Variants in RSC1A1 observed in about 807,000 individuals in gnomAD.
The protein encoded by RSC1A1 is regulatory solute carrier protein family 1 member 1.
RSC1A1 carries 6 observed loss-of-function variants against 7.7 expected under a neutral mutation model. That is an observed-to-expected ratio of 0.78 (90% CI 0.43 to 1.53). RSC1A1 has a LOEUF of 1.53. RSC1A1 is among the 40% of genes most tolerant of loss of function. RSC1A1 has a pLI of 0.01. For synonymous variants in RSC1A1, 250 were observed against 263.0 expected, an observed-to-expected ratio of 0.95 and a Z score of 0.48; for missense variants, 729 against 726.3, an observed-to-expected ratio of 1.00 and a Z score of -0.04.
At position 15,661,133 on chromosome 1, in the gene RSC1A1, T is replaced by C; in HGVS notation, c.1265T>C (p.Val422Ala). 6.2e-7 allele frequency: 1 copy of C among 1,614,028 alleles called. No individual in the cohort carries two copies. The highest frequency in any genetic ancestry group is 8.5e-7 in the Non-Finnish European group (1 of 1,179,992). Residue 422 changes from valine (V) to alanine (A), a missense_variant, in exon 1 of 1, where the codon GTA becomes GCA. Coordinates refer to ENST00000345034, the MANE Select transcript of RSC1A1 (RefSeq NM_006511.3). ...GTCTCCTTTCATCAGGCCATATCTG[T>C]ATCAGTGGAGACAGAAAAATTAACA... ...PQVSFHQAISVSVETEKLTGT... is the reference protein window; with the variant it reads ...PQVSFHQAISASVETEKLTGT...
At position 15,660,360 on chromosome 1, in the gene RSC1A1, C is replaced by T; in HGVS notation, c.492C>T (p.Asp164=). The T allele has an allele frequency of 1.2e-6, 2 of 1,613,998 alleles. No individual in the cohort carries two copies. The highest frequency in any genetic ancestry group is 8.5e-7 in the Non-Finnish European group (1 of 1,179,958). ...PENQNLSQVS[D]PQQHEEPGNE... ...ATCAGAACCTGAGTCAAGTGAGTGA[C>T]CCTCAGCAGCACGAAGAACCAGGGA... The change falls in exon 1 of 1, where the codon GAC becomes GAT. Residue 164 remains aspartate (D), a synonymous_variant. Coordinates refer to ENST00000345034, the MANE Select transcript of RSC1A1 (RefSeq NM_006511.3).
In RSC1A1 at chr1:15,662,031, G is replaced by A; in HGVS notation, c.*309G>A. 1 of 234,774 alleles carries A rather than the reference G, an allele frequency of 4.3e-6. No individual in the cohort carries two copies. The highest frequency in any genetic ancestry group is 8.3e-6 in the Non-Finnish European group (1 of 120,302). The allele number at this position is 234,774 out of a possible 1,614,324, so 14.5% of individuals were successfully genotyped here. The stretch of plus-strand genomic sequence containing the variant: ...AATAAAATGGATGGTTTTGTGTGTA[G>A]CATACTGTTTTAGAATGAGAGTAAA... On this transcript the variant is annotated 3_prime_UTR_variant, in exon 1 of 1. Coordinates refer to ENST00000345034, the MANE Select transcript of RSC1A1 (RefSeq NM_006511.3).
In RSC1A1 at chr1:15,660,630, T is replaced by C. The variant is rs1243505395; in HGVS notation, c.762T>C (p.Ala254=). Reference sequence around the variant, plus strand: ...AAACATTTATGGAAATCGATACAGCTCAACAGTCCCTAGTTACTTTGCTTA... The same window carrying C: ...AAACATTTATGGAAATCGATACAGCCCAACAGTCCCTAGTTACTTTGCTTA... ...NSETFMEIDT[A]QQSLVTLLNS... is the part of the protein sequence containing the mutation. The change falls in exon 1 of 1, where the codon GCT becomes GCC. Residue 254 remains alanine, a synonymous_variant. Transcript: ENST00000345034. 1.9e-6 allele frequency: 3 copies of C among 1,614,060 alleles called. No individual in the cohort carries two copies. The highest frequency in any genetic ancestry group is 1.1e-5 in the South Asian group (1 of 91,076).
Position 15,659,839 on chromosome 1 carries a change from AAAAGTGGT to A in RSC1A1, c.-25_-18del. On this transcript the variant is annotated 5_prime_UTR_variant, in exon 1 of 1. Transcript: ENST00000345034. ...CCTTTCCCCTGTGTTCCATATAGAG[AAAAGTGGT>A]AAAGAATCTACCTCACTGGGAATGT... 1 of 1,528,748 alleles carries A rather than the reference AAAAGTGGT, an allele frequency of 6.5e-7. No homozygotes were observed. The highest frequency in any genetic ancestry group is 8.7e-7 in the Non-Finnish European group (1 of 1,144,624). 94.7% of individuals were successfully genotyped at this position (1,528,748 alleles called of 1,614,324 possible).
Position 15,660,976 on chromosome 1 carries a change from G to C in RSC1A1, c.1108G>C (p.Ala370Pro). 6.2e-7 allele frequency: 1 copy of C among 1,613,926 alleles called. No individual in the cohort carries two copies. The highest frequency in any genetic ancestry group is 8.5e-7 in the Non-Finnish European group (1 of 1,179,946). The change falls in exon 1 of 1, where the codon GCT becomes CCT. Residue 370 changes from alanine (A) to proline (P), a missense_variant. Ala to Pro is a conservative substitution (Grantham distance 27). Coordinates refer to ENST00000345034, the MANE Select transcript of RSC1A1 (RefSeq NM_006511.3). ...HELLVVSSKP[A>P]SENTSEEVIC... ...ACTTTTGGTTGTTAGCAGTAAACCAGCTTCAGAAAATACATCTGAAGAAGT... is the reference window on the plus strand; with the variant it reads ...ACTTTTGGTTGTTAGCAGTAAACCACCTTCAGAAAATACATCTGAAGAAGT...
In RSC1A1 at chr1:15,661,056, T is replaced by C. The variant is rs1392019540; in HGVS notation, c.1188T>C (p.Ser396=). 1 of 1,614,182 alleles carries C rather than the reference T, an allele frequency of 6.2e-7. No individual in the cohort carries two copies. The highest frequency in any genetic ancestry group is 1.7e-5 in the Admixed American group (1 of 60,020). Residue 396 remains serine, a synonymous_variant, in exon 1 of 1, where the codon TCT becomes TCC. Transcript: ENST00000345034. The part of the protein sequence containing the change: ...AEGQTSIKDL[S]ERWTQNEHLT... ...GCCAAACCAGTATTAAAGACCTTTC[T>C]GAAAGATGGACCCAAAATGAGCATC...
rs1640333386 is a variant in RSC1A1, at chr1:15,659,838, G to C, written c.-31G>C. ...TCCTTTCCCCTGTGTTCCATATAGAGAAAAGTGGTAAAGAATCTACCTCAC... is the reference window on the plus strand; with the variant it reads ...TCCTTTCCCCTGTGTTCCATATAGACAAAAGTGGTAAAGAATCTACCTCAC... On this transcript the variant is annotated 5_prime_UTR_variant, in exon 1 of 1. Transcript: ENST00000345034. The C allele has an allele frequency of 6.5e-7, 1 of 1,528,174 alleles. No homozygotes were observed. The allele number at this position is 1,528,174 out of a possible 1,614,324, so 94.7% of individuals were successfully genotyped here.
In RSC1A1 at chr1:15,661,360, G is replaced by T. The variant is rs1191253426; in HGVS notation, c.1492G>T (p.Ala498Ser). The change falls in exon 1 of 1, where the codon GCA becomes TCA. Residue 498 changes from alanine to serine, a missense_variant. Ala to Ser is a moderately conservative substitution (Grantham distance 99). Transcript: ENST00000345034. ...TGTAGAAATTTCACCCAAACTTTTAGCAGGTGAGGAGGATGCACTCAATCA... is the reference window on the plus strand; with the variant it reads ...TGTAGAAATTTCACCCAAACTTTTATCAGGTGAGGAGGATGCACTCAATCA... ...LGVEISPKLL[A>S]GEEDALNQTS... 1 of 1,614,102 alleles carries T rather than the reference G, an allele frequency of 6.2e-7. No individual in the cohort carries two copies. Among genetic ancestry groups the T allele is most frequent in the South Asian group, 1.1e-5 (1 of 91,058 alleles).
At position 15,660,573 on chromosome 1, in the gene RSC1A1, A is replaced by G; in HGVS notation, c.705A>G (p.Pro235=). ...VDPPSAKKSI[P]SSECSGCSNS... ...CTCCAAGTGCGAAGAAAAGTATTCC[A>G]TCTTCAGAATGCAGTGGCTGCTCAA... The change falls in exon 1 of 1, where the codon CCA becomes CCG. Residue 235 remains proline (P), a synonymous_variant. Transcript: ENST00000345034. 2 of 1,613,776 alleles carry G rather than the reference A, an allele frequency of 1.2e-6. No individual in the cohort carries two copies. The highest frequency in any genetic ancestry group is 1.1e-5 in the South Asian group (1 of 90,910).
rs1640376328 is a variant in RSC1A1, at chr1:15,661,426, T to C, written c.1558T>C (p.Leu520=). 4 of 1,614,046 alleles carry C rather than the reference T, an allele frequency of 2.5e-6. No homozygotes were observed. The highest frequency in any genetic ancestry group is 3.3e-5 in the Admixed American group (2 of 59,966). The change falls in exon 1 of 1, where the codon TTG becomes CTG. Residue 520 remains leucine, a synonymous_variant. Transcript: ENST00000345034. ...TAAGTCTTTGTCATCCAATTTCATATTGGTTAAAGACTTAGGTCAGGGCAT... is the reference window on the plus strand; with the variant it reads ...TAAGTCTTTGTCATCCAATTTCATACTGGTTAAAGACTTAGGTCAGGGCAT... ...QTKSLSSNFI[L]VKDLGQGIQN...
Position 15,660,838 on chromosome 1 carries a change from A to G in RSC1A1, c.970A>G (p.Lys324Glu), listed in dbSNP as rs1640360704. The part of the protein sequence containing the change: ...ETNVEIPGTN[K>E]EYGHYSSPSL... ...TAATGTTGAAATACCTGGAACAAAT[A>G]AAGAATATGGCCATTACTCCTCTCC... Residue 324 changes from lysine (K) to glutamate (E), a missense_variant, in exon 1 of 1, where the codon AAA becomes GAA. By Grantham distance (56) the Lys-to-Glu change is moderately conservative. Coordinates refer to ENST00000345034, the MANE Select transcript of RSC1A1 (RefSeq NM_006511.3). The G allele has an allele frequency of 1.9e-6, 3 of 1,614,086 alleles. No homozygotes were observed. Among genetic ancestry groups the G allele is most frequent in the Non-Finnish European group, 2.5e-6 (3 of 1,180,036 alleles).
the RSC1A1 span, chr1:15,660,608 CATTT>C: frequency 1.2e-6 from 2 of 1,614,010 alleles, no homozygotes; most frequent in Non-Finnish European, 1.7e-6. Context: ...AATTCAGAAA[CATTT>C]ATGGAAATCG....
chr1:15,661,344 T>C lies in RSC1A1; in HGVS notation c.1476T>C (p.Ile492=), dbSNP rs1640372883. The C allele has an allele frequency of 6.2e-7, 1 of 1,613,964 alleles. No individual in the cohort carries two copies. The highest frequency in any genetic ancestry group is 1.7e-5 in the Admixed American group (1 of 59,990). ...TACACTGCACCTTAGGTGTAGAAAT[T>C]TCACCCAAACTTTTAGCAGGTGAGG... ...NQLHCTLGVE[I]SPKLLAGEED... The change falls in exon 1 of 1, where the codon ATT becomes ATC. Residue 492 remains isoleucine, a synonymous_variant. Transcript: ENST00000345034.
Position 15,659,798 on chromosome 1 carries a change from G to C in RSC1A1, c.-71G>C. On this transcript the variant is annotated 5_prime_UTR_variant, in exon 1 of 1. Coordinates refer to ENST00000345034, the MANE Select transcript of RSC1A1 (RefSeq NM_006511.3). ...GGTAATTTAGTGGCATTAGTCACCT[G>C]CTAATTAATCTTTTTCCTTTCCCCT... 1 of 1,480,584 alleles carries C rather than the reference G, an allele frequency of 6.8e-7. No individual in the cohort carries two copies. Among genetic ancestry groups the C allele is most frequent in the Non-Finnish European group, 8.9e-7 (1 of 1,123,758 alleles). 91.7% of individuals were successfully genotyped at this position (1,480,584 alleles called of 1,614,324 possible). A position where few individuals can be genotyped will look rare whatever the true frequency, so the allele number is the denominator to read the frequency against.
In RSC1A1 at chr1:15,661,901, G is replaced by T. The variant is rs1297213092; in HGVS notation, c.*179G>T. ...CGGCCAAAGTAATTTATGATCTTTT[G>T]TCTGATGAATTTGTCTATCCTACTT... On this transcript the variant is annotated 3_prime_UTR_variant, in exon 1 of 1. Coordinates refer to ENST00000345034, the MANE Select transcript of RSC1A1 (RefSeq NM_006511.3). 14 of 900,990 alleles carry T rather than the reference G, an allele frequency of 1.6e-5. No homozygotes were observed. In the South Asian group the frequency reaches 3.8e-4, roughly 25 times the overall value. The allele number at this position is 900,990 out of a possible 1,614,324, so 55.8% of individuals were successfully genotyped here.
chr1:15,661,442 G>T lies in RSC1A1; in HGVS notation c.1574G>T (p.Gly525Val). Residue 525 changes from glycine to valine, a missense_variant, in exon 1 of 1, where the codon GGT becomes GTT. By Grantham distance (109) the Gly-to-Val change is moderately radical. Transcript: ENST00000345034. ...AATTTCATATTGGTTAAAGACTTAG[G>T]TCAGGGCATACAGAATTCAGTAACA... ...SSNFILVKDL[G>V]QGIQNSVTDR... 6.2e-7 allele frequency: 1 copy of T among 1,614,084 alleles called. No homozygotes were observed. Among genetic ancestry groups the T allele is most frequent in the East Asian group, 2.2e-5 (1 of 44,886 alleles).
rs371110504 is a variant in RSC1A1 at position 15,660,927 on chromosome 1, G to A, written c.1059G>A (p.Thr353=). 14 of 1,613,104 alleles carry A rather than the reference G, an allele frequency of 8.7e-6. No individual in the cohort carries two copies. The highest frequency in any genetic ancestry group is 2.2e-5 in the East Asian group (1 of 44,892). Reference sequence around the variant, plus strand: ...CAGAAGAATCTTGCCCGTCTATAACGGCAGCCTTGAAAGAACTTCATGAAC... The same window carrying A: ...CAGAAGAATCTTGCCCGTCTATAACAGCAGCCTTGAAAGAACTTCATGAAC... The part of the protein sequence containing the change: ...ESAEESCPSI[T]AALKELHELL... The change falls in exon 1 of 1, where the codon ACG becomes ACA. Residue 353 remains threonine (T), a synonymous_variant. Transcript: ENST00000345034.
In RSC1A1 at chr1:15,660,732, A is replaced by G; in HGVS notation, c.864A>G (p.Glu288=). The change falls in exon 1 of 1, where the codon GAA becomes GAG. Residue 288 remains glutamate, a synonymous_variant. Transcript: ENST00000345034. ...LDLTLDNPLM[E]VETSKCNPSS... ...TCACTTTAGATAATCCCTTGATGGA[A>G]GTAGAAACATCAAAATGTAACCCTT... 2 of 1,613,900 alleles carry G rather than the reference A, an allele frequency of 1.2e-6. No homozygotes were observed. Among genetic ancestry groups the G allele is most frequent in the East Asian group, 4.5e-5 (2 of 44,882 alleles).
In RSC1A1 at chr1:15,660,523, A is replaced by G. The variant is rs1640352514; in HGVS notation, c.655A>G (p.Asn219Asp). 1 of 1,613,370 alleles carries G rather than the reference A, an allele frequency of 6.2e-7. No individual in the cohort carries two copies. Among genetic ancestry groups the G allele is most frequent in the Non-Finnish European group, 8.5e-7 (1 of 1,179,890 alleles). The change falls in exon 1 of 1, where the codon AAT (asparagine) becomes GAT (aspartate). Residue 219 changes from asparagine (N) to aspartate (D), a missense_variant. By Grantham distance (23) the Asn-to-Asp change is conservative. Transcript: ENST00000345034. ...TGATTTGGAAGCTACGATGAAAGGA[A>G]ATGGGCTCCCACAGAATGTGGATCC... ...IVDLEATMKG[N>D]GLPQNVDPPS...
Sources: allele counts gnomAD v4.1 joint callset, GRCh38; gene constraint gnomAD v4.1.1; transcripts MANE v1.5; gene names NCBI Gene and HGNC (gene_info 2026-07-23, HGNC 2026-07-21).